The following TCEA1 variants were observed in gnomAD, a reference collection of about 807,000 sequenced individuals.
TCEA1 encodes transcription elongation factor A1, also known as transcription elongation factor A protein 1.
A neutral mutation model predicts 43.8 loss-of-function variants in TCEA1; 21 were observed. That is an observed-to-expected ratio of 0.48 (90% CI 0.34 to 0.69). TCEA1 has a LOEUF of 0.69. Among genes scored for constraint, TCEA1 ranks in the 30% least tolerant of loss-of-function variants. TCEA1 has a pLI of 0.01. For missense variants in TCEA1, 250 were observed against 365.1 expected (o/e 0.68, Z 2.57); for synonymous variants, 104 against 117.5 (o/e 0.88, Z 0.75).
chr8:53,987,174 C>A, intron 5 of TCEA1, 149 bp from the exon 6 acceptor site: 2 of 689,006 alleles, frequency 2.9e-6, no homozygotes, highest in Middle Eastern at 2.5e-4. Flanking sequence ...AATCTGATCA[C>A]TTCACTGCCC....
rs770619082 is a variant in TCEA1, at chr8:54,022,043, G to A, written c.63+20C>T. ...CGCGGCCCGGCCTCCCTCCCGGCCC[G>A]CGCCGCTCGCCGCGCTCACCGCGTT... On this transcript the variant is annotated intron_variant, in intron 1 of 9. Transcript: ENST00000521604. The A allele has an allele frequency of 6.3e-6, 10 of 1,578,276 alleles. No homozygotes were observed. The South Asian group carries it at 1.1e-4, about 18-fold the overall frequency.
chr8:54,018,949 A>G (rs1360947068), intron 1 of TCEA1, among the ~76,000 whole-genome samples: 1 of 152,212 alleles, frequency 6.6e-6, no homozygotes, highest in Non-Finnish European at 1.5e-5. Context: ...ATTTAGATTC[A>G]CATCTTCACT....
chr8:54,004,809 C>A (rs990019035), intron 2 of TCEA1, among the ~76,000 whole-genome samples: 1 of 151,692 alleles, frequency 6.6e-6, no homozygotes, highest in East Asian at 1.9e-4. Flanking sequence ...CATACAGCTA[C>A]GTTTACTATC....
chr8:53,998,641 A>G (rs542417283), intron 3 of TCEA1, among the ~76,000 whole-genome samples: 84 of 152,330 alleles, frequency 5.5e-4, no homozygotes, highest in African/African-American at 1.8e-3. Context: ...CAGGAAATAT[A>G]TCAACAAAAA....
intron 2 of TCEA1, among the ~76,000 whole-genome samples, chr8:54,005,025 C>T (rs1804396065): frequency 6.6e-6 from 1 of 151,964 alleles, no homozygotes; most frequent in Non-Finnish European, 1.5e-5. Context: ...ACCCAATACC[C>T]ACCTTCTACT....
At chr8:54,011,553 AATG>A (rs1269640992) in intron 1 of TCEA1, among the ~76,000 whole-genome samples, 1 of 152,270 alleles carries the variant, frequency 6.6e-6, no homozygotes, top group African/African-American at 2.4e-5. Context: ...CCATCTGGCC[AATG>A]ATATGTGTAC....
intron 1 of TCEA1, among the ~76,000 whole-genome samples, chr8:54,012,052 C>T (rs1020846236): frequency 6.6e-6 from 1 of 152,042 alleles, no homozygotes; most frequent in Non-Finnish European, 1.5e-5. Context: ...TGACTTAAAA[C>T]GTATTATTAA....
At chr8:53,997,595 T>C (rs950684752) in intron 3 of TCEA1, among the ~76,000 whole-genome samples, 2 of 152,146 alleles carry the variant, frequency 1.3e-5, no homozygotes, top group Non-Finnish European at 2.9e-5. Flanking sequence ...ATAAGGAATA[T>C]GCTATTAAAA....
In TCEA1 at chr8:54,022,399, T is replaced by C. The variant is rs934192457; in HGVS notation, c.-274A>G. The C allele has an allele frequency of 8.0e-6, 4 of 497,492 alleles. No individual in the cohort carries two copies. The highest frequency in any genetic ancestry group is 4.7e-5 in the South Asian group (2 of 42,984). 30.8% of individuals were successfully genotyped at this position (497,492 alleles called of 1,614,324 possible). On this transcript the variant is annotated 5_prime_UTR_variant, in exon 1 of 10. It removes an upstream start codon present in the reference 5' UTR. Transcript: ENST00000521604. ...AGATCGCTGGTGAGGGGCGAGCCCATGTTCCCGCCAGGCGGGCGTCGGGCT... is the reference window on the plus strand; with the variant it reads ...AGATCGCTGGTGAGGGGCGAGCCCACGTTCCCGCCAGGCGGGCGTCGGGCT...
chr8:53,989,191 C>T (rs1803791578), intron 4 of TCEA1, among the ~76,000 whole-genome samples: 1 of 152,186 alleles, frequency 6.6e-6, no homozygotes, highest in Admixed American at 6.5e-5. Flanking sequence ...TGTTTCTCCC[C>T]AGAAACATCA....
intron 8 of TCEA1, chr8:53,971,990 C>T (rs1373083843): frequency 1.0e-5 from 2 of 192,958 alleles, no homozygotes; most frequent in African/African-American, 2.4e-5. Context: ...AGAAAAAAAA[C>T]ATTATTCAAC....
intron 7 of TCEA1, among the ~76,000 whole-genome samples, chr8:53,983,280 T>C (rs1803574792): frequency 6.6e-6 from 1 of 152,164 alleles, no homozygotes; most frequent in Non-Finnish European, 1.5e-5. Flanking sequence ...GTCAAAAAAT[T>C]TGTGTGACTC....
At chr8:53,987,508 A>G (rs1333900745) in intron 5 of TCEA1, among the ~76,000 whole-genome samples, 2 of 152,242 alleles carry the variant, frequency 1.3e-5, no homozygotes, top group Non-Finnish European at 2.9e-5. Context: ...TCAGGAAATC[A>G]AAGTAGAAAG....
At chr8:54,003,559 A>C (rs1586025629) in intron 2 of TCEA1, among the ~76,000 whole-genome samples, 1 of 152,218 alleles carries the variant, frequency 6.6e-6, no homozygotes, top group East Asian at 1.9e-4. Context: ...TCATCAACTG[A>C]TTTTAGATAA....
Position 54,000,035 on chromosome 8 carries a change from T to A in TCEA1, c.142A>T (p.Met48Leu), listed in dbSNP as rs1042599521. ...TGCTTGCGAATAGCATTAACTGACA[T>A]TCCGATTCTTGTGGACTGCAAGGCA... ...LELLQSTRIG[M>L]SVNAIRKQST... Residue 48 changes from methionine to leucine, a missense_variant, in exon 3 of 10, where the codon ATG becomes TTG. This residue lies in a region of TCEA1 where 27 missense variants were observed against 63.1 expected (regional missense o/e 0.43). Coordinates refer to ENST00000521604, the MANE Select transcript of TCEA1 (RefSeq NM_006756.4). The A allele has an allele frequency of 5.1e-6, 8 of 1,583,918 alleles. No homozygotes were observed. In the African/African-American group the frequency reaches 9.4e-5, roughly 19 times the overall value.
intron 2 of TCEA1, among the ~76,000 whole-genome samples, chr8:54,004,550 T>C (rs932062870): frequency 9.2e-5 from 14 of 152,176 alleles, no homozygotes; most frequent in Admixed American, 9.2e-4. Context: ...TATGATTCCA[T>C]TTATATGAAA....
intron 1 of TCEA1, among the ~76,000 whole-genome samples, chr8:54,016,836 T>A (rs1804843397): frequency 1.3e-5 from 2 of 151,662 alleles, no homozygotes; most frequent in Non-Finnish European, 2.9e-5. Context: ...TAGCCGGGTG[T>A]GGTGGTGCGC....
chr8:53,988,529 T>G (rs1803765214), intron 4 of TCEA1, among the ~76,000 whole-genome samples: 1 of 152,208 alleles, frequency 6.6e-6, no homozygotes, highest in African/African-American at 2.4e-5. Context: ...ATATTTTTAA[T>G]AGAGAAAATA....
intron 6 of TCEA1, 43 bp from the exon 7 acceptor site, chr8:53,984,560 G>C (rs749708930): frequency 1.3e-5 from 20 of 1,487,808 alleles, no homozygotes; most frequent in Non-Finnish European, 1.6e-5. Context: ...ACAAAAGTAA[G>C]ATCACTTTTT....
Sources: gnomAD v4.1 joint callset for allele counts (sites outside exome capture counted in the v4.1 genomes callset) on GRCh38, gnomAD v4.1.1 for gene constraint, gnomAD v4.1.1 regional missense constraint, MANE v1.5 for transcripts, NCBI Gene and HGNC (gene_info 2026-07-23, HGNC 2026-07-21) for gene names.